DHCR24: variants seen among roughly 807,000 people sequenced by gnomAD.
The protein encoded by DHCR24 is 24-dehydrocholesterol reductase.
A neutral mutation model predicts 61.2 loss-of-function variants in DHCR24; 28 were observed. The observed-to-expected ratio is 0.46, with a 90% confidence interval of 0.34 to 0.63. The LOEUF is 0.63. DHCR24 is among the 20% of genes least tolerant of loss of function. The probability of loss-of-function intolerance (pLI) is 0.01; values close to 1 mark genes in which losing one functional copy is unlikely to be tolerated. For synonymous variants in DHCR24, 261 were observed against 275.9 expected (o/e 0.95, Z 0.54); for missense variants, 538 against 679.1 (o/e 0.79, Z 2.31).
At chr1:54,854,270 C>A (rs1557429353) in intron 6 of DHCR24, 36 bp from the exon 7 acceptor site, 4 of 1,586,584 alleles carry the variant, frequency 2.5e-6, no homozygotes, top group Non-Finnish European at 3.5e-6. Flanking sequence ...GAGAAAAAAA[C>A]CAACAAGGGT....
chr1:54,859,568 G>T lies in DHCR24; in HGVS notation c.1021-5334C>A, dbSNP rs12562548. Among the ~76,000 whole-genome samples, 459 of 152,026 alleles carry T rather than the reference G, an allele frequency of 3.0e-3. 20 individuals carry two copies. The East Asian group carries it at 0.079, about 26-fold the overall frequency. On this transcript the variant is annotated intron_variant, in intron 6 of 8. Coordinates refer to ENST00000371269, the MANE Select transcript of DHCR24 (RefSeq NM_014762.4). Reference sequence around the variant, plus strand: ...GGCTCACTGCAACCTCCACTTCCTGGGTTCTCCTGCCTCAGCCTCCCTTGT... The same window carrying T: ...GGCTCACTGCAACCTCCACTTCCTGTGTTCTCCTGCCTCAGCCTCCCTTGT...
intron 5 of DHCR24, among the ~76,000 whole-genome samples, chr1:54,869,467 T>C (rs963506453): frequency 2.6e-5 from 4 of 152,226 alleles, no homozygotes; most frequent in Admixed American, 2.6e-4. Flanking sequence ...CAATGCAATC[T>C]TATTTGTAAG....
At chr1:54,853,066 T>G (rs1458582132) in intron 8 of DHCR24, among the ~76,000 whole-genome samples, 1 of 152,192 alleles carries the variant, frequency 6.6e-6, no homozygotes, top group Non-Finnish European at 1.5e-5. Context: ...AATCCCTCTC[T>G]CCTTAGCTTT....
chr1:54,858,283 G>C (rs1646918549), intron 6 of DHCR24, among the ~76,000 whole-genome samples: 1 of 152,218 alleles, frequency 6.6e-6, no homozygotes, highest in Admixed American at 6.5e-5. Context: ...GGCAGCATTT[G>C]GTATAAAGTC....
At chr1:54,871,833 T>C (rs1311548205) in intron 4 of DHCR24, among the ~76,000 whole-genome samples, 1 of 152,152 alleles carries the variant, frequency 6.6e-6, no homozygotes, top group Non-Finnish European at 1.5e-5. Context: ...TCAGGGACCC[T>C]CACTGAGAGA....
intron 6 of DHCR24, among the ~76,000 whole-genome samples, chr1:54,863,116 C>T (rs572542770): frequency 6.6e-6 from 1 of 151,490 alleles, no homozygotes; most frequent in Non-Finnish European, 1.5e-5. Flanking sequence ...TCAACCTTGG[C>T]CCTGAACCTT....
At chr1:54,876,904 C>T (rs1647036669) in intron 2 of DHCR24, among the ~76,000 whole-genome samples, 1 of 151,808 alleles carries the variant, frequency 6.6e-6, no homozygotes, top group South Asian at 2.1e-4. Flanking sequence ...CTTGATCTTA[C>T]ACATTTTAGG....
rs999280465 is a variant in DHCR24 at position 54,850,856 on chromosome 1, A to G, written c.*1377T>C. Reference sequence around the variant, plus strand: ...CAGCTCAGAGGACAATGACTTGCCCACGTTGCACAGCTCGCTGACAGTAGA... The same window carrying G: ...CAGCTCAGAGGACAATGACTTGCCCGCGTTGCACAGCTCGCTGACAGTAGA... On this transcript the variant is annotated 3_prime_UTR_variant, in exon 9 of 9. Coordinates refer to ENST00000371269, the MANE Select transcript of DHCR24 (RefSeq NM_014762.4). 3 of 152,236 alleles carry G rather than the reference A, an allele frequency of 2.0e-5. No individual in the cohort carries two copies. The highest frequency in any genetic ancestry group is 7.2e-5 in the African/African-American group (3 of 41,460). The allele number at this position is 152,236 out of a possible 1,614,324, so 9.4% of individuals were successfully genotyped here.
intron 2 of DHCR24, among the ~76,000 whole-genome samples, chr1:54,876,321 C>T (rs564663850): frequency 6.6e-6 from 1 of 152,284 alleles, no homozygotes; most frequent in East Asian, 1.9e-4. Context: ...AATACTCATT[C>T]ACTTAGAAGA....
chr1:54,859,815 T>G (rs57777659), intron 6 of DHCR24, among the ~76,000 whole-genome samples: 1 of 152,072 alleles, frequency 6.6e-6, no homozygotes, highest in Non-Finnish European at 1.5e-5. Context: ...TCCACCCACA[T>G]TGGGAGTGGC....
chr1:54,867,140 A>G (rs2101566906), intron 5 of DHCR24, among the ~76,000 whole-genome samples: 1 of 152,292 alleles, frequency 6.6e-6, no homozygotes, highest in South Asian at 2.1e-4. Flanking sequence ...AGGTGGCTGC[A>G]TGAGCTCCAG....
In DHCR24 at chr1:54,852,046, C is replaced by T; in HGVS notation, c.*187G>A. On this transcript the variant is annotated 3_prime_UTR_variant, in exon 9 of 9. Coordinates refer to ENST00000371269, the MANE Select transcript of DHCR24 (RefSeq NM_014762.4). Reference sequence around the variant, plus strand: ...GACTCAGGCTTGTCTGACTCCAAATCCCACATTCTTTCCATTCCACTGGGC... The same window carrying T: ...GACTCAGGCTTGTCTGACTCCAAATTCCACATTCTTTCCATTCCACTGGGC... The T allele has an allele frequency of 1.5e-6, 1 of 662,438 alleles. No individual in the cohort carries two copies. Among genetic ancestry groups the T allele is most frequent in the South Asian group, 1.9e-5 (1 of 52,480 alleles). The allele number at this position is 662,438 out of a possible 1,614,324, so 41.0% of individuals were successfully genotyped here.
chr1:54,866,617 C>T (rs1646969666), intron 5 of DHCR24, among the ~76,000 whole-genome samples: 1 of 152,192 alleles, frequency 6.6e-6, no homozygotes, highest in Non-Finnish European at 1.5e-5. Context: ...GGTGCCTGGT[C>T]CACAGGTGGC....
chr1:54,882,843 T>G (rs145476689), intron 2 of DHCR24, among the ~76,000 whole-genome samples: 1 of 151,994 alleles, frequency 6.6e-6, no homozygotes, highest in African/African-American at 2.4e-5. Context: ...GGGGGGCGGG[T>G]AGGGGAAGAG....
chr1:54,882,069 C>T (rs2101577647), intron 2 of DHCR24, among the ~76,000 whole-genome samples: 1 of 151,404 alleles, frequency 6.6e-6, no homozygotes, highest in South Asian at 2.1e-4. Context: ...ACAACAAACC[C>T]CATGACACAC....
rs1646909323 is a variant in DHCR24 at position 54,856,686 on chromosome 1, A to G, written c.1021-2452T>C. 2.0e-5 allele frequency among the ~76,000 whole-genome samples: 3 copies of G among 152,278 alleles called. No individual in the cohort carries two copies. In the South Asian group the frequency reaches 6.2e-4, roughly 32 times the overall value. ...TTTAATCACTTCTATACTGGCAGACATTTAGATTATTTCCAGATTATTCCA... is the reference window on the plus strand; with the variant it reads ...TTTAATCACTTCTATACTGGCAGACGTTTAGATTATTTCCAGATTATTCCA... On this transcript the variant is annotated intron_variant, in intron 6 of 8. Transcript: ENST00000371269.
chr1:54,853,705 T>C, intron 7 of DHCR24, 93 bp from the exon 8 acceptor site: 1 of 1,420,354 alleles, frequency 7.0e-7, no homozygotes, highest in South Asian at 1.2e-5. Flanking sequence ...AATGAAGGCT[T>C]TGCAGCATTC....
At chr1:54,877,554 G>A (rs1198803850) in intron 2 of DHCR24, among the ~76,000 whole-genome samples, 4 of 151,808 alleles carry the variant, frequency 2.6e-5, no homozygotes, top group South Asian at 4.2e-4. Flanking sequence ...CCAGGGGTTC[G>A]AGACCAGCCA....
intron 4 of DHCR24, 63 bp from the exon 5 acceptor site, chr1:54,871,676 CA>C: frequency 6.2e-7 from 1 of 1,609,666 alleles, no homozygotes; most frequent in African/African-American, 1.3e-5. Context: ...GGCATGCAGT[CA>C]GTGGGGGAGC....
Sources: allele counts gnomAD v4.1 joint callset (sites outside exome capture counted in the v4.1 genomes callset), GRCh38; gene constraint gnomAD v4.1.1; transcripts MANE v1.5; gene names NCBI Gene and HGNC (gene_info 2026-07-23, HGNC 2026-07-21).